The following PCDHGC3 variants were observed in gnomAD, a reference collection of about 807,000 sequenced individuals.
PCDHGC3 encodes the protein protocadherin gamma subfamily C, 3.
In PCDHGC3, 26 loss-of-function variants were observed where a neutral mutation model predicts 59.2. The ratio of observed to expected loss-of-function variants is 0.44; its 90% confidence interval spans 0.32 to 0.61. PCDHGC3 has a LOEUF of 0.61. PCDHGC3 is among the 20% of genes least tolerant of loss of function. The pLI, the probability that PCDHGC3 is intolerant of heterozygous loss-of-function variation, is 0.05. For synonymous variants in PCDHGC3, 487 were observed against 519.7 expected (o/e 0.94, Z 0.86); for missense variants, 1,080 against 1,221.8 (o/e 0.88, Z 1.73).
At chr5:141,492,132 C>A (rs1289132641) in intron 1 of PCDHGC3, among the ~76,000 whole-genome samples, 3 of 152,220 alleles carry the variant, frequency 2.0e-5, no homozygotes, top group African/African-American at 4.8e-5. Context: ...CAGCTCCCAG[C>A]ATCTGTGACT....
At position 141,511,349 on chromosome 5, in the gene PCDHGC3, C is replaced by CG; in HGVS notation, c.*176_*177insG. On this transcript the variant is annotated 3_prime_UTR_variant, in exon 4 of 4. Coordinates refer to ENST00000308177, the MANE Select transcript of PCDHGC3 (RefSeq NM_002588.4). The stretch of plus-strand genomic sequence containing the variant: ...GCCCAGTCAGCACCTACCCCTTCCC[C>CG]CCCAGGGGGTTGAATATGCAAAAGC... 7.1e-7 allele frequency: 1 copy of CG among 1,401,498 alleles called. No homozygotes were observed. Among genetic ancestry groups the CG allele is most frequent in the African/African-American group, 1.5e-5 (1 of 68,948 alleles). 86.8% of individuals were successfully genotyped at this position (1,401,498 alleles called of 1,614,324 possible).
rs112156044 is a variant in PCDHGC3, at chr5:141,476,771, G to T, written c.655G>T (p.Gly219Ter). ...CCAGTTAGTGCTGACGGCGTTGGAC[G>T]GAGGGACCCCAGCTCTCTCCGCCAG... ...SLQLVLTALD[G>*]GTPALSASLP... Residue 219 changes from glycine (G) to a stop codon, truncating the protein, a stop_gained, in exon 1 of 4, where the codon GGA becomes TGA. Coordinates refer to ENST00000308177, the MANE Select transcript of PCDHGC3 (RefSeq NM_002588.4). LOFTEE classifies it high-confidence loss of function. The surrounding 1 kb of genome is among the most constrained non-coding windows in gnomAD (Gnocchi z 7.6). The T allele has an allele frequency of 6.2e-7, 1 of 1,613,700 alleles. No homozygotes were observed. The highest frequency in any genetic ancestry group is 1.1e-5 in the South Asian group (1 of 91,084).
chr5:141,505,779 T>G (rs1420143439), intron 3 of PCDHGC3, among the ~76,000 whole-genome samples: 1 of 139,496 alleles, frequency 7.2e-6, no homozygotes, highest in Non-Finnish European at 1.6e-5. Flanking sequence ...GTCCTAGCTC[T>G]GCTACTATCC....
rs146574799 is a variant in PCDHGC3, at chr5:141,487,337, G to A, written c.2431-7470G>A. The A allele has an allele frequency of 1.4e-5, 23 of 1,614,054 alleles. No individual in the cohort carries two copies. The highest frequency in any genetic ancestry group is 3.3e-5 in the Admixed American group (2 of 60,002). The stretch of plus-strand genomic sequence containing the variant: ...TAAGTGTCTTCGTGGGGCAGCCTGT[G>A]GAGTCACATGCTTTCCTGCTGGCAC... On this transcript the variant is annotated intron_variant, in intron 1 of 3. Coordinates refer to ENST00000308177, the MANE Select transcript of PCDHGC3 (RefSeq NM_002588.4). The surrounding 1 kb of genome is among the most constrained non-coding windows in gnomAD (Gnocchi z 5.0).
At chr5:141,501,691 G>C (rs910322085) in intron 2 of PCDHGC3, among the ~76,000 whole-genome samples, 1 of 152,092 alleles carries the variant, frequency 6.6e-6, no homozygotes, top group Non-Finnish European at 1.5e-5. Context: ...CTTATCTGCA[G>C]GGTGATTCCG....
chr5:141,480,217 G>A (rs1443825272), intron 1 of PCDHGC3, among the ~76,000 whole-genome samples: 2 of 147,950 alleles, frequency 1.4e-5, no homozygotes, highest in Non-Finnish European at 3.0e-5. Context: ...CAGCCTGAGC[G>A]ACATAGTGAG....
At chr5:141,478,788 T>A (rs576491824) in intron 1 of PCDHGC3, 147 of 1,473,736 alleles carry the variant, frequency 1.0e-4, no homozygotes, top group Non-Finnish European at 1.3e-4. Context: ...CTAATTCACA[T>A]CCTCAGCACT....
intron 2 of PCDHGC3, among the ~76,000 whole-genome samples, chr5:141,498,976 GGAAGGAAGGAAGGAA>G (rs1562186940): frequency 1.5e-4 from 2 of 13,010 alleles, no homozygotes; most frequent in Admixed American, 2.9e-3. Context: ...AGGGAGGGAA[GGAAGGAAGGAAGGAA>G]GGAAGGAAGG....
At chr5:141,501,288 T>TATACAC (rs201660636) in intron 2 of PCDHGC3, among the ~76,000 whole-genome samples, 3,536 of 81,176 alleles carry the variant, frequency 0.044, 56 homozygotes, top group Admixed American at 0.065. Flanking sequence ...GATATTCCCT[T>TATACAC]ATACACACAC....
In PCDHGC3 at chr5:141,505,598, C is replaced by T. The variant is rs532473064; in HGVS notation, c.2578+117C>T. The T allele has an allele frequency of 1.4e-3, 2,157 of 1,556,732 alleles. 3 individuals are homozygous for T. Among genetic ancestry groups the T allele is most frequent in the Non-Finnish European group, 1.8e-3 (2,025 of 1,148,246 alleles). ...ACCTGTGTAGTTTCTCCAGATCTTT[C>T]GGCAGGTCTGAAAGGACCCACAATT... On this transcript the variant is annotated intron_variant, in intron 3 of 3. Coordinates refer to ENST00000308177, the MANE Select transcript of PCDHGC3 (RefSeq NM_002588.4).
chr5:141,504,241 A>G (rs1282647590), intron 2 of PCDHGC3, among the ~76,000 whole-genome samples: 1 of 152,156 alleles, frequency 6.6e-6, no homozygotes, highest in Non-Finnish European at 1.5e-5. Flanking sequence ...AGAAGCAGAG[A>G]GTTCTTCTTA....
At chr5:141,482,755 T>TGA (rs1554165462) in intron 1 of PCDHGC3, among the ~76,000 whole-genome samples, 1 of 143,580 alleles carries the variant, frequency 7.0e-6, no homozygotes, top group Admixed American at 6.9e-5. Context: ...GGGATTATGG[T>TGA]ATTTCATTAT....
intron 2 of PCDHGC3, among the ~76,000 whole-genome samples, chr5:141,500,416 A>G: frequency 6.6e-6 from 1 of 151,634 alleles, no homozygotes; most frequent in East Asian, 2.0e-4. Flanking sequence ...TCACCGTGTT[A>G]GCCAGGATGG....
At position 141,490,819 on chromosome 5, in the gene PCDHGC3, C is replaced by T; in HGVS notation, c.2431-3988C>T. Reference sequence around the variant, plus strand: ...CCAGCGTACCTTTGACTATGAATTGCTGCAGATGCTGCAGATTGTGGTGGG... The same window carrying T: ...CCAGCGTACCTTTGACTATGAATTGTTGCAGATGCTGCAGATTGTGGTGGG... On this transcript the variant is annotated intron_variant, in intron 1 of 3. Transcript: ENST00000308177. This position sits in a 1 kb window ranked among gnomAD's most constrained non-coding sequence, Gnocchi z 5.4. 2 of 1,613,842 alleles carry T rather than the reference C, an allele frequency of 1.2e-6. No individual in the cohort carries two copies. Among genetic ancestry groups the T allele is most frequent in the Non-Finnish European group, 8.5e-7 (1 of 1,179,804 alleles).
chr5:141,511,695 C>T lies in PCDHGC3; in HGVS notation c.*522C>T, dbSNP rs1009832192. 1 of 195,662 alleles carries T rather than the reference C, an allele frequency of 5.1e-6. No individual in the cohort carries two copies. Among genetic ancestry groups the T allele is most frequent in the Non-Finnish European group, 1.1e-5 (1 of 92,626 alleles). The allele number at this position is 195,662 out of a possible 1,614,324, so 12.1% of individuals were successfully genotyped here. On this transcript the variant is annotated 3_prime_UTR_variant, in exon 4 of 4. Coordinates refer to ENST00000308177, the MANE Select transcript of PCDHGC3 (RefSeq NM_002588.4). ...CTTCCCCCAAAGCATGGTTTGGTGC[C>T]AGCCCCTTCACCTCCTTCCAGAGCC...
chr5:141,491,714 C>A lies in PCDHGC3; in HGVS notation c.2431-3093C>A, dbSNP rs1321811999. On this transcript the variant is annotated intron_variant, in intron 1 of 3. Transcript: ENST00000308177. The surrounding 1 kb of genome is among the most constrained non-coding windows in gnomAD (Gnocchi z 6.9). ...GAGCGGAGCCAGGTGAGGGGCTCGG[C>A]GCCGCCCCGGGCGACCCCTGGGGGC... 2 of 1,608,742 alleles carry A rather than the reference C, an allele frequency of 1.2e-6. No individual in the cohort carries two copies. The highest frequency in any genetic ancestry group is 1.7e-6 in the Non-Finnish European group (2 of 1,177,914).
intron 2 of PCDHGC3, among the ~76,000 whole-genome samples, chr5:141,498,338 G>T (rs2237079): frequency 2.6e-5 from 4 of 151,600 alleles, no homozygotes; most frequent in Non-Finnish European, 5.9e-5. Flanking sequence ...CATTCCAAAT[G>T]GGAAAAGCCT....
intron 2 of PCDHGC3, 40 bp from the exon 3 acceptor site, chr5:141,505,353 G>T (rs376781305): frequency 1.7e-5 from 27 of 1,613,426 alleles, no homozygotes; most frequent in Non-Finnish European, 2.0e-5. Flanking sequence ...GAGCTGTGCC[G>T]GCCTGGGAGT....
intron 2 of PCDHGC3, among the ~76,000 whole-genome samples, chr5:141,498,967 G>A (rs896386012): frequency 1.5e-5 from 2 of 129,584 alleles, no homozygotes. Context: ...GAGGGAGGGA[G>A]GGAGGGAAGG....
Sources: gnomAD v4.1 joint callset for allele counts (sites outside exome capture counted in the v4.1 genomes callset) on GRCh38, gnomAD v4.1.1 for gene constraint, Gnocchi (gnomAD v3.1) non-coding constraint, MANE v1.5 for transcripts, NCBI Gene and HGNC (gene_info 2026-07-23, HGNC 2026-07-21) for gene names.